Variants in SLC29A2 observed in about 807,000 individuals in gnomAD.
SLC29A2 encodes the protein equilibrative nucleoside transporter 2.
Under a neutral mutation model 48.8 loss-of-function variants are expected in SLC29A2, and 37 were observed. The ratio of observed to expected loss-of-function variants is 0.76; its 90% CI spans 0.58 to 1.00. SLC29A2 has a LOEUF of 1.00. SLC29A2 is among the 50% of genes least tolerant of loss of function. The pLI, the probability that SLC29A2 is intolerant of heterozygous loss-of-function variation, is 0.00. For missense variants in SLC29A2, 533 were observed against 578.6 expected (o/e 0.92, Z 0.81); for synonymous variants, 233 against 261.7 (o/e 0.89, Z 1.06).
At chr11:66,371,396 A>T in intron 1 of SLC29A2, 71 bp from the exon 2 acceptor site, 1 of 1,564,814 alleles carries the variant, frequency 6.4e-7, no homozygotes, top group Middle Eastern at 1.8e-4. Flanking sequence ...CTCCCAGGCC[A>T]CCCCCTCCGG....
Position 66,364,267 on chromosome 11 carries a change from G to C in SLC29A2, c.1217C>G (p.Ser406Cys). The C allele has an allele frequency of 6.2e-7, 1 of 1,612,158 alleles. No homozygotes were observed. Among genetic ancestry groups the C allele is most frequent in the Non-Finnish European group, 8.5e-7 (1 of 1,178,976 alleles). ...FITFMLLFAV[S>C]NGYLVSLTMC... ...GGTGAGGGACACCAGGTAGCCATTA[G>C]AAACGGCAAAGAGCAGCATGAAGGT... is the stretch of plus-strand genomic sequence containing the variant. The change falls in exon 11 of 12, where the codon TCT becomes TGT. Residue 406 changes from serine (S) to cysteine (C), a missense_variant. Coordinates refer to ENST00000357440, the MANE Select transcript of SLC29A2 (RefSeq NM_001532.3).
At chr11:66,364,124 A>G in intron 11 of SLC29A2, 101 bp downstream of exon 11, 1 of 1,017,636 alleles carries the variant, frequency 9.8e-7, no homozygotes, top group Non-Finnish European at 1.5e-6. Flanking sequence ...TGGGCTGGCC[A>G]GAAGCAGGAT....
In SLC29A2 at chr11:66,371,636, C is replaced by CGCACCT; in HGVS notation, c.-51_-46dup. ...CCTGGGGTGAAAGGGGCAGAGAAGC[C>CGCACCT]GCACCTGCACCTGCGCTGGGGCGGA... On this transcript the variant is annotated 5_prime_UTR_variant, in exon 1 of 12. Coordinates refer to ENST00000357440, the MANE Select transcript of SLC29A2 (RefSeq NM_001532.3). The CGCACCT allele has an allele frequency of 2.0e-6, 3 of 1,533,958 alleles. No homozygotes were observed. The highest frequency in any genetic ancestry group is 2.6e-6 in the Non-Finnish European group (3 of 1,144,174).
chr11:66,363,573 T>G, intron 11 of SLC29A2, 26 bp from the exon 12 acceptor site: 22 of 1,556,634 alleles, frequency 1.4e-5, no homozygotes, highest in Admixed American at 1.8e-5. Flanking sequence ...ACAGGAGCTC[T>G]TAGAAAATGC....
chr11:66,369,219 G>A lies in SLC29A2; in HGVS notation c.276-20C>T, dbSNP rs1224003082. ...GGGACGCTGCTCAGAAGCAGGCAGA[G>A]TGCATCAGTGGGGCCCAGGCCAGAG... On this transcript the variant is annotated intron_variant, in intron 3 of 11. Transcript: ENST00000357440. 5 of 1,577,822 alleles carry A rather than the reference G, an allele frequency of 3.2e-6. No individual in the cohort carries two copies. The highest frequency in any genetic ancestry group is 4.3e-6 in the Non-Finnish European group (5 of 1,162,524).
chr11:66,367,658 G>A (rs1352745858), intron 6 of SLC29A2, 110 bp from the exon 7 acceptor site: 1 of 1,468,856 alleles, frequency 6.8e-7, no homozygotes, highest in Non-Finnish European at 9.5e-7. Context: ...TTCTCTGGGG[G>A]TCAGGGCTGA....
At chr11:66,371,949 G>T (rs1420490202), upstream of SLC29A2, 2 of 360,510 alleles carry the variant, frequency 5.5e-6, no homozygotes, top group Non-Finnish European at 1.0e-5. Flanking sequence ...CTCCGCGGGG[G>T]CGGGTCCCGG....
At chr11:66,370,858 C>CAAAAAAA in intron 2 of SLC29A2, among the ~76,000 whole-genome samples, 1 of 92,244 alleles carries the variant, frequency 1.1e-5, no homozygotes, top group Non-Finnish European at 2.1e-5. Flanking sequence ...GACTCTGTCT[C>CAAAAAAA]AAAAAAAAAA....
At chr11:66,369,790 C>T (rs897962379) in intron 2 of SLC29A2, among the ~76,000 whole-genome samples, 1 of 152,192 alleles carries the variant, frequency 6.6e-6, no homozygotes, top group African/African-American at 2.4e-5. Flanking sequence ...CTCTTCAGTG[C>T]CCTGGTTCCA....
chr11:66,371,460 T>C (rs1856036360), intron 1 of SLC29A2, 103 bp downstream of exon 1: 1 of 1,497,084 alleles, frequency 6.7e-7, no homozygotes, highest in African/African-American at 1.4e-5. Context: ...AGTCGGCTGA[T>C]GGGAATTGTA....
chr11:66,367,681 T>C, intron 6 of SLC29A2, 91 bp downstream of exon 6: 1 of 1,490,888 alleles, frequency 6.7e-7, no homozygotes, highest in Non-Finnish European at 9.4e-7. Flanking sequence ...CCAGGTCTCC[T>C]CCACCTCCCC....
Position 66,369,051 on chromosome 11 carries a change from G to T in SLC29A2, c.415+9C>A. On this transcript the variant is annotated intron_variant, in intron 4 of 11. Coordinates refer to ENST00000357440, the MANE Select transcript of SLC29A2 (RefSeq NM_001532.3). ...ATAGGCTGGCTGGAGAGGGGGTGGAGGTGCTCACAGTTGATGAAGCAGACG... is the reference window on the plus strand; with the variant it reads ...ATAGGCTGGCTGGAGAGGGGGTGGATGTGCTCACAGTTGATGAAGCAGACG... 1 of 1,596,660 alleles carries T rather than the reference G, an allele frequency of 6.3e-7. No individual in the cohort carries two copies. The highest frequency in any genetic ancestry group is 8.5e-7 in the Non-Finnish European group (1 of 1,171,928).
At chr11:66,370,121 G>T (rs1000266554) in intron 2 of SLC29A2, among the ~76,000 whole-genome samples, 1 of 152,218 alleles carries the variant, frequency 6.6e-6, no homozygotes. Flanking sequence ...CAGGCTGATC[G>T]TCTCTTGCCT....
rs770406563 is a variant in SLC29A2 at position 66,363,445 on chromosome 11, C to T, written c.1362G>A (p.Ala454=). The T allele has an allele frequency of 2.4e-5, 38 of 1,611,518 alleles. No individual in the cohort carries two copies. The highest frequency in any genetic ancestry group is 3.3e-5 in the South Asian group (3 of 91,006). The change falls in exon 12 of 12, where the codon GCG becomes GCA. Residue 454 remains alanine, a synonymous_variant. Coordinates refer to ENST00000357440, the MANE Select transcript of SLC29A2 (RefSeq NM_001532.3). The part of the protein sequence containing the change: ...CGASLSFLFK[A]LL Reference sequence around the variant, plus strand: ...GCCTGGAGGGGCCACTTCAGAGCAGCGCCTTGAAGAGGAAGGAGAGGGAGG... The same window carrying T: ...GCCTGGAGGGGCCACTTCAGAGCAGTGCCTTGAAGAGGAAGGAGAGGGAGG...
chr11:66,368,116 T>C (rs1320276119), intron 5 of SLC29A2, among the ~76,000 whole-genome samples: 1 of 152,200 alleles, frequency 6.6e-6, no homozygotes, highest in African/African-American at 2.4e-5. Flanking sequence ...TCTCATTGCA[T>C]GCTCATTACA....
In SLC29A2 at chr11:66,364,536, C is replaced by G. The variant is rs1479566940; in HGVS notation, c.1060-112G>C. 1.7e-5 allele frequency: 13 copies of G among 760,924 alleles called. No homozygotes were observed. In the Admixed American group the frequency reaches 3.1e-4, roughly 18 times the overall value. 47.1% of individuals were successfully genotyped at this position (760,924 alleles called of 1,614,324 possible). A position where few individuals can be genotyped will look rare whatever the true frequency, so the allele number is the denominator to read the frequency against. On this transcript the variant is annotated intron_variant, in intron 10 of 11. Coordinates refer to ENST00000357440, the MANE Select transcript of SLC29A2 (RefSeq NM_001532.3). ...TTTTTTTTTTTTAGATGGAGTCTCG[C>G]TCTGTTGCCCAGGCTGGAGTGCAGT...
At position 66,367,536 on chromosome 11, in the gene SLC29A2, A is replaced by G. The variant is rs780663371; in HGVS notation, c.661T>C (p.Tyr221His). Reference sequence around the variant, plus strand: ...TGGGATGATTTATTGGCCAGGTAGTAGCGGGCAAACTTCTGCAGAAGGACA... The same window carrying G: ...TGGGATGATTTATTGGCCAGGTAGTGGCGGGCAAACTTCTGCAGAAGGACA... ...LSLPHLKFAR[Y>H]YLANKSSQAQ... The change falls in exon 7 of 12, where the codon TAC (tyrosine) becomes CAC (histidine). Residue 221 changes from tyrosine to histidine, a missense_variant. Transcript: ENST00000357440. 9 of 1,614,138 alleles carry G rather than the reference A, an allele frequency of 5.6e-6. No individual in the cohort carries two copies. In the South Asian group the frequency reaches 9.9e-5, roughly 18 times the overall value.
chr11:66,367,369 G>T, intron 7 of SLC29A2, 95 bp downstream of exon 7: 1 of 1,013,012 alleles, frequency 9.9e-7, no homozygotes, highest in South Asian at 1.3e-5. Context: ...ACTAGGGGTG[G>T]GCTCTGGCTG....
chr11:66,366,992 C>T (rs1855736586), intron 7 of SLC29A2, among the ~76,000 whole-genome samples: 1 of 152,160 alleles, frequency 6.6e-6, no homozygotes, highest in South Asian at 2.1e-4. Flanking sequence ...TGATCTTCCT[C>T]CAGCCTAAGC....
Sources: allele counts gnomAD v4.1 joint callset (sites outside exome capture counted in the v4.1 genomes callset), GRCh38; gene constraint gnomAD v4.1.1; transcripts MANE v1.5; gene names NCBI Gene and HGNC (gene_info 2026-07-23, HGNC 2026-07-21).